The following HSD17B12 variants were observed in gnomAD, a reference collection of about 807,000 sequenced individuals.
The protein encoded by HSD17B12 is very-long-chain 3-oxoacyl-CoA reductase.
Under a neutral mutation model 39.3 loss-of-function variants are expected in HSD17B12, and 32 were observed. That is an observed-to-expected ratio of 0.81 (90% confidence interval 0.61 to 1.09). The LOEUF (loss-of-function observed/expected upper bound fraction) is 1.09, where lower values mean the gene tolerates loss of function less well. Ranked by LOEUF, HSD17B12 falls within the 50% of genes least tolerant of loss-of-function variation. The probability of loss-of-function intolerance (pLI) is 0.00; values close to 1 mark genes in which losing one functional copy is unlikely to be tolerated. For synonymous variants in HSD17B12, 150 were observed against 146.7 expected, an observed-to-expected ratio of 1.02 and a Z score of -0.16; for missense variants, 342 against 382.9, an observed-to-expected ratio of 0.89 and a Z score of 0.89.
At chr11:43,683,094 GTTTTTTTT>G (rs1554959067) in intron 1 of HSD17B12, among the ~76,000 whole-genome samples, 1 of 80,978 alleles carries the variant, frequency 1.2e-5, no homozygotes, top group South Asian at 4.2e-4. Context: ...GCCTGGATGT[GTTTTTTTT>G]TGTTTTTTTT....
Position 43,742,135 on chromosome 11 carries a change from A to ATT in HSD17B12, c.161-8775_161-8774insTT, listed in dbSNP as rs1397611592. Among the ~76,000 whole-genome samples the ATT allele has an allele frequency of 1.7e-3, 114 of 67,522 alleles. 2 individuals carry two copies. The highest frequency in any genetic ancestry group is 0.01 in the Middle Eastern group (1 of 98). The allele number at this position is 67,522 out of a possible 152,430, so 44.3% of individuals were successfully genotyped here. A position where few individuals can be genotyped will look rare whatever the true frequency, so the allele number is the denominator to read the frequency against. On this transcript the variant is annotated intron_variant, in intron 1 of 10. Transcript: ENST00000278353. ...GAAATATATATATATATATATATAT[A>ATT]TATATTTTTTTTTTTAAATTGAGAC... is the stretch of plus-strand genomic sequence containing the variant.
chr11:43,713,977 T>G (rs1183535773), intron 1 of HSD17B12, among the ~76,000 whole-genome samples: 1 of 152,182 alleles, frequency 6.6e-6, no homozygotes, highest in Admixed American at 6.5e-5. Context: ...TGGGGTTGCT[T>G]TTTTCTTTTA....
the HSD17B12 span, among the ~76,000 whole-genome samples, chr11:43,614,331 A>G: frequency 2.6e-5 from 4 of 152,088 alleles, no homozygotes; most frequent in African/African-American, 9.7e-5. Context: ...ATGTCATTCC[A>G]TTGTCTTCTG....
At chr11:43,559,742 T>G in the HSD17B12 span, 1 of 155,960 alleles carries the variant, frequency 6.4e-6, no homozygotes, top group Non-Finnish European at 1.5e-5. Context: ...GGAGTGTCAG[T>G]TGCCCCTTCA....
chr11:43,633,323 G>A, the HSD17B12 span, among the ~76,000 whole-genome samples: 2 of 152,124 alleles, frequency 1.3e-5, no homozygotes, highest in Non-Finnish European at 2.9e-5. Flanking sequence ...CCTGAGGTCA[G>A]GAGTTTGAGA....
the HSD17B12 span, among the ~76,000 whole-genome samples, chr11:43,655,845 G>T: frequency 6.6e-6 from 1 of 152,100 alleles, no homozygotes; most frequent in African/African-American, 2.4e-5. Flanking sequence ...ATGTTCATCA[G>T]GGATATTGGT....
the HSD17B12 span, among the ~76,000 whole-genome samples, chr11:43,636,201 A>G: frequency 6.6e-6 from 1 of 152,220 alleles, no homozygotes; most frequent in Non-Finnish European, 1.5e-5. Flanking sequence ...GCAAGCCTCT[A>G]GTGAGAACTA....
At chr11:43,739,517 C>G (rs1414844580) in intron 1 of HSD17B12, among the ~76,000 whole-genome samples, 1 of 152,264 alleles carries the variant, frequency 6.6e-6, no homozygotes, top group East Asian at 1.9e-4. Flanking sequence ...AGGATGGCAC[C>G]CTGTTGCTGC....
At chr11:43,750,536 T>C (rs1950456287) in intron 1 of HSD17B12, among the ~76,000 whole-genome samples, 1 of 152,192 alleles carries the variant, frequency 6.6e-6, no homozygotes, top group African/African-American at 2.4e-5. Context: ...ACTAAGCTAC[T>C]GTGAACATTC....
intron 3 of HSD17B12, among the ~76,000 whole-genome samples, chr11:43,794,225 T>A (rs1395310635): frequency 6.6e-6 from 1 of 152,208 alleles, no homozygotes; most frequent in African/African-American, 2.4e-5. Flanking sequence ...GACTGATTTG[T>A]CAATAGGCAT....
intron 1 of HSD17B12, among the ~76,000 whole-genome samples, chr11:43,722,638 G>A (rs930585698): frequency 1.3e-5 from 2 of 152,140 alleles, no homozygotes; most frequent in African/African-American, 2.4e-5. Flanking sequence ...CTTGAGGCCA[G>A]GAGTTAGAGA....
Position 43,855,211 on chromosome 11 carries a change from C to CA in HSD17B12, c.903dup (p.Arg302ThrfsTer41), listed in dbSNP as rs1304773010. 1 of 1,610,404 alleles carries CA rather than the reference C, an allele frequency of 6.2e-7. No individual in the cohort carries two copies. Among genetic ancestry groups the CA allele is most frequent in the African/African-American group, 1.3e-5 (1 of 74,750 alleles). ...ATAGTCATGAATATGAACAAGTCTA[C>CA]ACGGGCTCACTATCTGAAGAAAACC... is the stretch of plus-strand genomic sequence containing the variant. On this transcript the variant is annotated frameshift_variant, in exon 11 of 11. Transcript: ENST00000278353. LOFTEE classifies it high-confidence loss of function.
At chr11:43,574,059 A>C in the HSD17B12 span, among the ~76,000 whole-genome samples, 1 of 152,226 alleles carries the variant, frequency 6.6e-6, no homozygotes, top group Non-Finnish European at 1.5e-5. Context: ...TGAGCTAAAA[A>C]TAAACAGCTG....
chr11:43,847,144 C>T (rs1951483962), intron 9 of HSD17B12, among the ~76,000 whole-genome samples: 1 of 152,176 alleles, frequency 6.6e-6, no homozygotes, highest in South Asian at 2.1e-4. Context: ...CATCCTGTTT[C>T]TCAAAGAGGT....
chr11:43,607,138 A>G, the HSD17B12 span, among the ~76,000 whole-genome samples: 1 of 152,194 alleles, frequency 6.6e-6, no homozygotes, highest in Non-Finnish European at 1.5e-5. Context: ...CTTTTGCTTC[A>G]TTATAGAAAT....
chr11:43,738,944 C>T (rs950295833), intron 1 of HSD17B12, among the ~76,000 whole-genome samples: 1 of 152,180 alleles, frequency 6.6e-6, no homozygotes, highest in African/African-American at 2.4e-5. Context: ...AGAAATGTTA[C>T]CTATTGCTCT....
chr11:43,836,583 G>A (rs1951373057), intron 7 of HSD17B12, among the ~76,000 whole-genome samples: 1 of 151,782 alleles, frequency 6.6e-6, no homozygotes, highest in Non-Finnish European at 1.5e-5. Flanking sequence ...GGTTTTTAGG[G>A]TATTCACAGA....
intron 1 of HSD17B12, among the ~76,000 whole-genome samples, chr11:43,690,378 ATATATATATATATATATATATATATATT>A (rs1413493575): frequency 1.4e-4 from 1 of 7,382 alleles, no homozygotes; most frequent in Admixed American, 1.6e-3. Flanking sequence ...ATATATATAT[ATATATATATATATATATATATATATATT>A]TTTTTTTTTT....
intron 6 of HSD17B12, among the ~76,000 whole-genome samples, chr11:43,817,561 A>G (rs1404133827): frequency 1.3e-5 from 2 of 152,202 alleles, no homozygotes; most frequent in Admixed American, 6.5e-5. Flanking sequence ...ATTCTGCTAC[A>G]TGTGGCTTGC....
Sources: gnomAD v4.1 joint callset for allele counts (sites outside exome capture counted in the v4.1 genomes callset) on GRCh38, gnomAD v4.1.1 for gene constraint, MANE v1.5 for transcripts, NCBI Gene and HGNC (gene_info 2026-07-23, HGNC 2026-07-21) for gene names.